Variants in LMX1A observed in about 807,000 individuals in gnomAD.
The protein encoded by LMX1A is LIM homeobox transcription factor 1-alpha.
LMX1A carries 15 observed loss-of-function variants against 49.1 expected under a neutral mutation model. The ratio of observed to expected loss-of-function variants is 0.31; its 90% CI spans 0.20 to 0.47. The LOEUF (loss-of-function observed/expected upper bound fraction) is 0.47, where lower values mean the gene tolerates loss of function less well. Among genes scored for constraint, LMX1A ranks in the 20% least tolerant of loss-of-function variants. LMX1A has a pLI of 1.00. For missense variants in LMX1A, 372 were observed against 475.8 expected (o/e 0.78, Z 2.03); for synonymous variants, 167 against 185.7 (o/e 0.90, Z 0.82).
chr1:165,203,734 C>A lies in LMX1A; in HGVS notation c.*146G>T. 1.6e-6 allele frequency: 1 copy of A among 635,938 alleles called. No individual in the cohort carries two copies. Among genetic ancestry groups the A allele is most frequent in the Non-Finnish European group, 2.8e-6 (1 of 354,908 alleles). 39.4% of individuals were successfully genotyped at this position (635,938 alleles called of 1,614,324 possible). A position where few individuals can be genotyped will look rare whatever the true frequency, so the allele number is the denominator to read the frequency against. ...TTCAGTCTTTGGAAATGCTGAGCTA[C>A]ACCATATCATTATACAACAGCATCC... is the stretch of plus-strand genomic sequence containing the variant. On this transcript the variant is annotated 3_prime_UTR_variant, in exon 9 of 9. Coordinates refer to ENST00000342310, the MANE Select transcript of LMX1A (RefSeq NM_177398.4).
intron 3 of LMX1A, among the ~76,000 whole-genome samples, chr1:165,271,744 G>A (rs1478169170): frequency 1.3e-5 from 2 of 152,176 alleles, no homozygotes; most frequent in African/African-American, 2.4e-5. Context: ...ATACCTGGCA[G>A]GAGGAGGATG....
At chr1:165,327,202 T>C (rs1313741235) in intron 3 of LMX1A, among the ~76,000 whole-genome samples, 1 of 151,648 alleles carries the variant, frequency 6.6e-6, no homozygotes, top group Non-Finnish European at 1.5e-5. Context: ...GCAAAAGAGA[T>C]ATAAGGAGAG....
At chr1:165,296,446 C>A (rs922030172) in intron 3 of LMX1A, among the ~76,000 whole-genome samples, 1 of 152,252 alleles carries the variant, frequency 6.6e-6, no homozygotes, top group Non-Finnish European at 1.5e-5. Context: ...CACCATCATA[C>A]CCTGCAAAGT....
chr1:165,325,633 A>G (rs556577993), intron 3 of LMX1A, among the ~76,000 whole-genome samples: 5 of 152,170 alleles, frequency 3.3e-5, no homozygotes, highest in Middle Eastern at 3.4e-3. Flanking sequence ...TGATTTCAAT[A>G]AAGTCTCTCT....
intron 6 of LMX1A, 69 bp downstream of exon 6, chr1:165,210,630 C>T (rs951465058): frequency 1.7e-6 from 2 of 1,167,054 alleles, no homozygotes; most frequent in African/African-American, 1.5e-5. Flanking sequence ...GCAGCAAGTA[C>T]AATGTCCTAC....
chr1:165,265,276 T>G (rs769159610), intron 3 of LMX1A, among the ~76,000 whole-genome samples: 2 of 151,664 alleles, frequency 1.3e-5, no homozygotes, highest in Non-Finnish European at 2.9e-5. Context: ...ACCTTCAGGT[T>G]CCAAGTTACA....
At chr1:165,258,577 A>G (rs1653325412) in intron 3 of LMX1A, among the ~76,000 whole-genome samples, 1 of 152,172 alleles carries the variant, frequency 6.6e-6, no homozygotes, top group South Asian at 2.1e-4. Context: ...GGGGAGCTAT[A>G]AGGAGGACCA....
At chr1:165,280,882 G>A (rs1484351149) in intron 3 of LMX1A, among the ~76,000 whole-genome samples, 2 of 152,034 alleles carry the variant, frequency 1.3e-5, no homozygotes, top group African/African-American at 4.8e-5. Flanking sequence ...CCCAGGATCT[G>A]TGCATTGGAT....
chr1:165,334,882 A>G (rs1655855129), intron 3 of LMX1A, among the ~76,000 whole-genome samples: 1 of 152,204 alleles, frequency 6.6e-6, no homozygotes, highest in Admixed American at 6.5e-5. Context: ...CTATAGCCCA[A>G]CGCAGTCAGT....
intron 4 of LMX1A, among the ~76,000 whole-genome samples, chr1:165,229,171 C>G (rs921884982): frequency 6.6e-6 from 1 of 151,544 alleles, no homozygotes. Context: ...TGCCTTCCCA[C>G]CACATCAACT....
intron 4 of LMX1A, among the ~76,000 whole-genome samples, chr1:165,244,474 G>A (rs1394440): frequency 0.66 from 100,725 of 152,090 alleles, 34,478 homozygotes; most frequent in African/African-American, 0.83. Flanking sequence ...GGGATCTGAT[G>A]TTACCTCTAG....
chr1:165,326,065 C>T (rs1571224400), intron 3 of LMX1A, among the ~76,000 whole-genome samples: 1 of 152,158 alleles, frequency 6.6e-6, no homozygotes, highest in East Asian at 1.9e-4. Flanking sequence ...GCCCCTGGTC[C>T]CTTCAGGCCC....
intron 3 of LMX1A, among the ~76,000 whole-genome samples, chr1:165,251,866 C>T (rs137982264): frequency 0.01 from 1,535 of 152,140 alleles, 10 homozygotes; most frequent in Non-Finnish European, 0.017. Context: ...CACAGTTATC[C>T]GGAGATGTCT....
intron 3 of LMX1A, among the ~76,000 whole-genome samples, chr1:165,301,577 C>G (rs1167500726): frequency 6.6e-6 from 1 of 152,184 alleles, no homozygotes; most frequent in African/African-American, 2.4e-5. Context: ...AGCTTCCAAT[C>G]TGAGGAAATT....
intron 4 of LMX1A, among the ~76,000 whole-genome samples, chr1:165,248,405 T>C (rs1426639353): frequency 6.6e-6 from 1 of 152,140 alleles, no homozygotes; most frequent in Non-Finnish European, 1.5e-5. Flanking sequence ...TAAGGTCACA[T>C]AGATGTTACC....
intron 3 of LMX1A, among the ~76,000 whole-genome samples, chr1:165,335,878 G>C (rs533635008): frequency 2.0e-5 from 3 of 150,408 alleles, no homozygotes; most frequent in Non-Finnish European, 4.4e-5. Flanking sequence ...TAAAATATTA[G>C]GTATATCCAC....
intron 3 of LMX1A, among the ~76,000 whole-genome samples, chr1:165,254,107 TC>T (rs1653150506): frequency 6.6e-6 from 1 of 152,104 alleles, no homozygotes; most frequent in Non-Finnish European, 1.5e-5. Context: ...TTAAACAGAC[TC>T]AAGGCAAATG....
At chr1:165,244,426 G>A (rs1652768548) in intron 4 of LMX1A, among the ~76,000 whole-genome samples, 1 of 152,076 alleles carries the variant, frequency 6.6e-6, no homozygotes, top group Admixed American at 6.5e-5. Flanking sequence ...AAGCGGGGTG[G>A]GGTCTGGCAG....
intron 3 of LMX1A, among the ~76,000 whole-genome samples, chr1:165,316,358 T>C (rs1655227520): frequency 6.6e-6 from 1 of 152,310 alleles, no homozygotes; most frequent in South Asian, 2.1e-4. Context: ...GCGTTGCTGC[T>C]TCAGGGCCCA....
Sources: gnomAD v4.1 joint callset for allele counts (sites outside exome capture counted in the v4.1 genomes callset) on GRCh38, gnomAD v4.1.1 for gene constraint, MANE v1.5 for transcripts, NCBI Gene and HGNC (gene_info 2026-07-23, HGNC 2026-07-21) for gene names.